The following DPF3 variants were observed in gnomAD, a reference collection of about 807,000 sequenced individuals.
DPF3 encodes zinc finger protein DPF3.
Under a neutral mutation model 56.8 loss-of-function variants are expected in DPF3, and 18 were observed. That is an observed-to-expected ratio of 0.32 (90% CI 0.22 to 0.47). The LOEUF is 0.47. Among genes scored for constraint, DPF3 ranks in the 20% least tolerant of loss-of-function variants. The probability of loss-of-function intolerance (pLI) is 1.00; values close to 1 mark genes in which losing one functional copy is unlikely to be tolerated. For missense variants in DPF3, 403 were observed against 488.8 expected (o/e 0.82, Z 1.65); for synonymous variants, 188 against 180.2 (o/e 1.04, Z -0.35).
chr14:72,811,083 C>T (rs1043579956), intron 1 of DPF3, among the ~76,000 whole-genome samples: 1 of 152,126 alleles, frequency 6.6e-6, no homozygotes, highest in African/African-American at 2.4e-5. Flanking sequence ...AGAGCAAGAC[C>T]AAGGCAGCAA....
intron 1 of DPF3, among the ~76,000 whole-genome samples, chr14:72,890,508 A>ATAATAATAATAATAG (rs1886709674): frequency 1.3e-5 from 2 of 151,216 alleles, no homozygotes; most frequent in Admixed American, 1.3e-4. Context: ...AATGATAATA[A>ATAATAATAATAATAG]TAATAATAAT....
intron 1 of DPF3, among the ~76,000 whole-genome samples, chr14:72,828,754 G>A (rs1207294716): frequency 6.6e-6 from 1 of 152,076 alleles, no homozygotes; most frequent in Non-Finnish European, 1.5e-5. Context: ...AAGGAGTTTG[G>A]ACTTTATCCT....
chr14:72,850,881 T>G lies in DPF3; in HGVS notation c.32+43176A>C, dbSNP rs183159473. 1.8e-4 allele frequency among the ~76,000 whole-genome samples: 27 copies of G among 152,296 alleles called. 1 individual carries two copies. The East Asian group carries it at 3.9e-3, about 22-fold the overall frequency. The stretch of plus-strand genomic sequence containing the variant: ...CATGCATGTGCTTCTAGATTAACAC[T>G]CTTTCTTCTCATTAACTTCCCAGAC... On this transcript the variant is annotated intron_variant, in intron 1 of 10. Transcript: ENST00000556509.
rs573764203 is a variant in DPF3 at position 72,793,578 on chromosome 14, T to C, written c.33-21685A>G. Among the ~76,000 whole-genome samples, 37 of 152,126 alleles carry C rather than the reference T, an allele frequency of 2.4e-4. 1 individual carries two copies. The East Asian group carries it at 6.9e-3, about 29-fold the overall frequency. ...ACTCTACCTCCATCTCTCTTCCATA[T>C]CCAGGAAGGAAAAAAGGAAATTAAC... On this transcript the variant is annotated intron_variant, in intron 1 of 10. Transcript: ENST00000556509.
intron 1 of DPF3, among the ~76,000 whole-genome samples, chr14:72,807,770 C>T (rs1301799239): frequency 2.0e-5 from 3 of 152,096 alleles, no homozygotes; most frequent in African/African-American, 7.2e-5. Context: ...TGACCAAGAC[C>T]AGCCTGGTCA....
chr14:72,886,024 G>A (rs1471329781), intron 1 of DPF3, among the ~76,000 whole-genome samples: 1 of 152,224 alleles, frequency 6.6e-6, no homozygotes, highest in Non-Finnish European at 1.5e-5. Flanking sequence ...GTAGGAAGCA[G>A]GGGATGGAAA....
At chr14:72,849,669 T>C (rs147754721) in intron 1 of DPF3, among the ~76,000 whole-genome samples, 101 of 152,098 alleles carry the variant, frequency 6.6e-4, no homozygotes, top group African/African-American at 2.3e-3. Context: ...TTCCTCCCCA[T>C]TCCCTAGACT....
At position 72,684,825 on chromosome 14, in the gene DPF3, T is replaced by C. The variant is rs1233893027; in HGVS notation, c.742+8251A>G. On this transcript the variant is annotated intron_variant, in intron 7 of 10. Transcript: ENST00000556509. ...GTCCTAACCCCCAAAGGGATGTTAT[T>C]TGGAAAAGGGTCTTTGGAAGGCAAT... Among the ~76,000 whole-genome samples, 9 of 152,106 alleles carry C rather than the reference T, an allele frequency of 5.9e-5. No homozygotes were observed. In the East Asian group the frequency reaches 1.5e-3, roughly 26 times the overall value.
chr14:72,838,671 C>T (rs183481611), intron 1 of DPF3, among the ~76,000 whole-genome samples: 1 of 151,736 alleles, frequency 6.6e-6, no homozygotes, highest in South Asian at 2.1e-4. Context: ...GCAGGAGAAT[C>T]GCTTGAACCC....
chr14:72,733,610 T>C (rs1209768325), intron 3 of DPF3, among the ~76,000 whole-genome samples: 1 of 151,950 alleles, frequency 6.6e-6, no homozygotes, highest in Non-Finnish European at 1.5e-5. Context: ...CTGCGTCCTC[T>C]CCCAAGGGCC....
chr14:72,815,403 A>G (rs1276987898), intron 1 of DPF3, among the ~76,000 whole-genome samples: 1 of 152,282 alleles, frequency 6.6e-6, no homozygotes, highest in Non-Finnish European at 1.5e-5. Flanking sequence ...TAACTGGTAC[A>G]GCCACTTTGG....
At chr14:72,799,150 C>T (rs376980883) in intron 1 of DPF3, among the ~76,000 whole-genome samples, 77 of 152,318 alleles carry the variant, frequency 5.1e-4, no homozygotes, top group African/African-American at 1.7e-3. Flanking sequence ...GGCTCTGGGT[C>T]TTCCTTGACA....
intron 3 of DPF3, among the ~76,000 whole-genome samples, chr14:72,746,078 C>G (rs113471601): frequency 6.6e-6 from 1 of 152,206 alleles, no homozygotes; most frequent in Non-Finnish European, 1.5e-5. Context: ...GGGCATCATA[C>G]GTTTTGTAAA....
intron 1 of DPF3, among the ~76,000 whole-genome samples, chr14:72,853,667 A>G (rs777480830): frequency 2.0e-5 from 3 of 151,882 alleles, no homozygotes; most frequent in Admixed American, 1.3e-4. Flanking sequence ...GGGTTTCACT[A>G]TGTTGGCCAG....
At chr14:72,719,124 C>A (rs1163948962) in intron 5 of DPF3, among the ~76,000 whole-genome samples, 2 of 132,686 alleles carry the variant, frequency 1.5e-5, no homozygotes, top group African/African-American at 5.6e-5. Flanking sequence ...GGCTGGAGTG[C>A]AGTAGCACAA....
chr14:72,860,552 ATTCTTT>A (rs55841508), intron 1 of DPF3, among the ~76,000 whole-genome samples: 30 of 149,432 alleles, frequency 2.0e-4, no homozygotes, highest in South Asian at 4.3e-4. Context: ...CTGCAGCTTA[ATTCTTT>A]TTCTTTTTCT....
intron 1 of DPF3, among the ~76,000 whole-genome samples, chr14:72,798,254 C>CAAAAAAAAA (rs35648169): frequency 1.9e-5 from 1 of 53,904 alleles, no homozygotes; most frequent in African/African-American, 5.7e-5. Context: ...GCCTTCATCT[C>CAAAAAAAAA]AAAAAAAAAA....
chr14:72,786,607 C>T (rs1256295545), intron 1 of DPF3, among the ~76,000 whole-genome samples: 1 of 152,154 alleles, frequency 6.6e-6, no homozygotes, highest in Non-Finnish European at 1.5e-5. Flanking sequence ...AAAAGTTTGC[C>T]GACTCCTGGT....
chr14:72,784,937 A>G (rs909839643), intron 1 of DPF3, among the ~76,000 whole-genome samples: 1 of 151,962 alleles, frequency 6.6e-6, no homozygotes, highest in African/African-American at 2.4e-5. Context: ...AGCCTGGGCA[A>G]CAAGAGCAAA....
Sources: gnomAD v4.1 joint callset for allele counts (sites outside exome capture counted in the v4.1 genomes callset) on GRCh38, gnomAD v4.1.1 for gene constraint, MANE v1.5 for transcripts, NCBI Gene and HGNC (gene_info 2026-07-23, HGNC 2026-07-21) for gene names.